TAMALIN: variants seen among roughly 807,000 people sequenced by gnomAD.
The protein encoded by TAMALIN is trafficking regulator and scaffold protein tamalin, also known as protein TAMALIN.
TAMALIN carries 9 observed loss-of-function variants against 38.5 expected under a neutral mutation model. The ratio of observed to expected loss-of-function variants is 0.23; its 90% CI spans 0.14 to 0.41. The LOEUF is 0.41. TAMALIN is among the 10% of genes least tolerant of loss of function. TAMALIN has a pLI of 1.00. For missense variants in TAMALIN, 548 were observed against 554.1 expected (o/e 0.99, Z 0.11); for synonymous variants, 306 against 256.5 (o/e 1.19, Z -1.85).
At chr12:52,008,856 G>A in intron 1 of TAMALIN, 1 of 650,538 alleles carries the variant, frequency 1.5e-6, no homozygotes, top group Non-Finnish European at 1.9e-6. Flanking sequence ...TACAGACATG[G>A]GCCCTAGGGG....
At chr12:52,013,386 T>C (rs1937705502) in intron 4 of TAMALIN, 1 of 342,840 alleles carries the variant, frequency 2.9e-6, no homozygotes, top group African/African-American at 2.0e-5. Flanking sequence ...CGGACAGAAC[T>C]TCTTGAGGGC....
rs1937632953 is a variant in TAMALIN at position 52,011,002 on chromosome 12, C to T, written c.352-37C>T. 6.2e-7 allele frequency: 1 copy of T among 1,613,752 alleles called. No individual in the cohort carries two copies. Among genetic ancestry groups the T allele is most frequent in the South Asian group, 1.1e-5 (1 of 91,070 alleles). ...CAGCCTGAGGGATGAACGGACTTGT[C>T]CCAACCCTGGGCTGAGGGTCCCCTT... On this transcript the variant is annotated intron_variant, in intron 3 of 7. Coordinates refer to ENST00000293662, the MANE Select transcript of TAMALIN (RefSeq NM_181711.4). The surrounding 1 kb of genome is among the most constrained non-coding windows in gnomAD (Gnocchi z 5.3).
chr12:52,008,365 G>A (rs1942448380), intron 1 of TAMALIN: 1 of 985,336 alleles, frequency 1.0e-6, no homozygotes, highest in Middle Eastern at 5.2e-4. Context: ...AGTTTATCAA[G>A]GACCCTGAAG....
rs1942442998 is a variant in TAMALIN, at chr12:52,007,978, A to G, written c.246+713A>G. On this transcript the variant is annotated intron_variant, in intron 1 of 7. Transcript: ENST00000293662. The surrounding 1 kb of genome is among the most constrained non-coding windows in gnomAD (Gnocchi z 6.7). ...CCAGGAGACCTGAGGCTCAGAACCT[A>G]CACAACACCAGGTTAAGAAGAGGGG... The G allele has an allele frequency of 2.0e-6, 2 of 985,284 alleles. No individual in the cohort carries two copies. Among genetic ancestry groups the G allele is most frequent in the Non-Finnish European group, 2.4e-6 (2 of 829,914 alleles). 61.0% of individuals were successfully genotyped at this position (985,284 alleles called of 1,614,324 possible).
At chr12:52,008,176 C>A (rs1031097993) in intron 1 of TAMALIN, 29 of 985,316 alleles carry the variant, frequency 2.9e-5, no homozygotes, top group Non-Finnish European at 3.3e-5. Context: ...ACTGTCCCCA[C>A]CCCTGAGGCC....
chr12:52,007,774 C>A lies in TAMALIN; in HGVS notation c.246+509C>A. On this transcript the variant is annotated intron_variant, in intron 1 of 7. Transcript: ENST00000293662. The surrounding 1 kb of genome is among the most constrained non-coding windows in gnomAD (Gnocchi z 6.7). The stretch of plus-strand genomic sequence containing the variant: ...ACCCTTCCGAGGGGACTCCCCGATT[C>A]CTGGGCTGGGGGCCTGCCGCCTGGC... 2 of 985,464 alleles carry A rather than the reference C, an allele frequency of 2.0e-6. No homozygotes were observed. The highest frequency in any genetic ancestry group is 1.2e-6 in the Non-Finnish European group (1 of 829,932). 61.0% of individuals were successfully genotyped at this position (985,464 alleles called of 1,614,324 possible).
In TAMALIN at chr12:52,007,802, C is replaced by G; in HGVS notation, c.246+537C>G. 1 of 985,448 alleles carries G rather than the reference C, an allele frequency of 1.0e-6. No homozygotes were observed. The highest frequency in any genetic ancestry group is 1.2e-6 in the Non-Finnish European group (1 of 829,924). 61.0% of individuals were successfully genotyped at this position (985,448 alleles called of 1,614,324 possible). ...GGGCTGGGGGCCTGCCGCCTGGCCC[C>G]ACGTCTGACGTACGGGGCGCGAGGG... On this transcript the variant is annotated intron_variant, in intron 1 of 7. Coordinates refer to ENST00000293662, the MANE Select transcript of TAMALIN (RefSeq NM_181711.4). The surrounding 1 kb of genome is among the most constrained non-coding windows in gnomAD (Gnocchi z 6.7).
At position 52,010,914 on chromosome 12, in the gene TAMALIN, G is replaced by A; in HGVS notation, c.330G>A (p.Gln110=). 1 of 1,614,134 alleles carries A rather than the reference G, an allele frequency of 6.2e-7. No individual in the cohort carries two copies. Among genetic ancestry groups the A allele is most frequent in the Non-Finnish European group, 8.5e-7 (1 of 1,180,030 alleles). ...KVLTLEKEDN[Q]TFGFEIQTYG... ...TGACGTTGGAGAAGGAGGATAACCA[G>A]ACCTTCGGCTTTGAGATCCAGGTGG... is the stretch of plus-strand genomic sequence containing the variant. The change falls in exon 3 of 8, where the codon CAG becomes CAA. Residue 110 remains glutamine (Q), a synonymous_variant. Transcript: ENST00000293662.
In TAMALIN at chr12:52,007,049, G is replaced by T; in HGVS notation, c.30G>T (p.Gln10His). The T allele has an allele frequency of 6.9e-7, 1 of 1,452,280 alleles. No homozygotes were observed. Among genetic ancestry groups the T allele is most frequent in the South Asian group, 1.4e-5 (1 of 73,594 alleles). 90.0% of individuals were successfully genotyped at this position (1,452,280 alleles called of 1,614,324 possible). A position where few individuals can be genotyped will look rare whatever the true frequency, so the allele number is the denominator to read the frequency against. Residue 10 changes from glutamine to histidine, a missense_variant, in exon 1 of 8, where the codon CAG (glutamine) becomes CAT (histidine). Coordinates refer to ENST00000293662, the MANE Select transcript of TAMALIN (RefSeq NM_181711.4). The surrounding 1 kb of genome is among the most constrained non-coding windows in gnomAD (Gnocchi z 6.7). MTLRRLRKL[Q>H]QKEEAAATPD... is the part of the protein sequence containing the mutation. ...CCCTCCGCCGACTCAGGAAGCTGCA[G>T]CAGAAGGAGGAGGCGGCGGCCACCC...
Position 52,014,885 on chromosome 12 carries a change from G to T in TAMALIN, c.874G>T (p.Asp292Tyr). Residue 292 changes from aspartate (D) to tyrosine (Y), a missense_variant, in exon 8 of 8, where the codon GAC (aspartate) becomes TAC (tyrosine). Physicochemically the swap from Asp to Tyr is radical, Grantham distance 160. Coordinates refer to ENST00000293662, the MANE Select transcript of TAMALIN (RefSeq NM_181711.4). ...DAVYHTCFFGDSEPPALPPPP... is the reference protein window; with the variant it reads ...DAVYHTCFFGYSEPPALPPPP... ...CGTCTACCACACGTGCTTCTTCGGG[G>T]ACTCCGAGCCGCCGGCGCTGCCGCC... The T allele has an allele frequency of 8.0e-7, 1 of 1,244,990 alleles. No individual in the cohort carries two copies. Among genetic ancestry groups the T allele is most frequent in the Non-Finnish European group, 1.0e-6 (1 of 986,058 alleles). 77.1% of individuals were successfully genotyped at this position (1,244,990 alleles called of 1,614,324 possible). A position where few individuals can be genotyped will look rare whatever the true frequency, so the allele number is the denominator to read the frequency against.
chr12:52,009,149 G>A, intron 1 of TAMALIN, 41 bp from the exon 2 acceptor site: 1 of 1,606,936 alleles, frequency 6.2e-7, no homozygotes, highest in African/African-American at 1.3e-5. Context: ...CTCAAGGACA[G>A]TCCCGCCTTA....
rs754729516 is a variant in TAMALIN at position 52,007,886 on chromosome 12, C to T, written c.246+621C>T. ...GCAGTGGGAGGGGTCGCAGGGCGCC[C>T]GCGGGGCAGGAAGGATGCGGGCCGC... On this transcript the variant is annotated intron_variant, in intron 1 of 7. Transcript: ENST00000293662. The surrounding 1 kb of genome is among the most constrained non-coding windows in gnomAD (Gnocchi z 6.7). The T allele has an allele frequency of 6.1e-6, 6 of 985,246 alleles. No homozygotes were observed. The highest frequency in any genetic ancestry group is 5.2e-4 in the Middle Eastern group (1 of 1,934). 61.0% of individuals were successfully genotyped at this position (985,246 alleles called of 1,614,324 possible). A position where few individuals can be genotyped will look rare whatever the true frequency, so the allele number is the denominator to read the frequency against.
Position 52,014,200 on chromosome 12 carries a change from T to C in TAMALIN, c.681T>C (p.His227=), listed in dbSNP as rs1937729828. 8.1e-6 allele frequency: 13 copies of C among 1,597,116 alleles called. No individual in the cohort carries two copies. Among genetic ancestry groups the C allele is most frequent in the South Asian group, 2.3e-5 (2 of 88,260 alleles). Residue 227 remains histidine (H), a splice_region_variant and synonymous_variant, in exon 7 of 8, where the codon CAT becomes CAC. Transcript: ENST00000293662. ...SLMVQEQRLV[H]GLVVKDPSIY... ...TGGTGCAGGAGCAGCGGCTGGTGCA[T>C]GGTGAGTAGATCCCGGGGTGTGAGG...
chr12:52,010,169 G>GAAGC (rs1188287210), intron 2 of TAMALIN, among the ~76,000 whole-genome samples: 1 of 152,226 alleles, frequency 6.6e-6, no homozygotes, highest in African/African-American at 2.4e-5. Flanking sequence ...GGTCAGGCTG[G>GAAGC]AAGCGGAGAA....
Position 52,007,775 on chromosome 12 carries a change from C to T in TAMALIN, c.246+510C>T. On this transcript the variant is annotated intron_variant, in intron 1 of 7. Transcript: ENST00000293662. The surrounding 1 kb of genome is among the most constrained non-coding windows in gnomAD (Gnocchi z 6.7). ...CCCTTCCGAGGGGACTCCCCGATTC[C>T]TGGGCTGGGGGCCTGCCGCCTGGCC... 1 of 985,460 alleles carries T rather than the reference C, an allele frequency of 1.0e-6. No individual in the cohort carries two copies. The highest frequency in any genetic ancestry group is 1.2e-6 in the Non-Finnish European group (1 of 829,926). The allele number at this position is 985,460 out of a possible 1,614,324, so 61.0% of individuals were successfully genotyped here.
rs891329452 is a variant in TAMALIN at position 52,007,528 on chromosome 12, C to G, written c.246+263C>G. ...CCCTCCTTGACTCCTCCCAGCACCC[C>G]CCTTCTCCTACCCGCTCCATCTGGC... On this transcript the variant is annotated intron_variant, in intron 1 of 7. Transcript: ENST00000293662. The surrounding 1 kb of genome is among the most constrained non-coding windows in gnomAD (Gnocchi z 6.7). 9 of 984,152 alleles carry G rather than the reference C, an allele frequency of 9.1e-6. No homozygotes were observed. In the African/African-American group the frequency reaches 1.2e-4, roughly 13 times the overall value. The allele number at this position is 984,152 out of a possible 1,614,324, so 61.0% of individuals were successfully genotyped here.
At chr12:52,014,437 G>A in intron 7 of TAMALIN, 1 of 605,248 alleles carries the variant, frequency 1.7e-6, no homozygotes, top group Non-Finnish European at 2.9e-6. Context: ...ACTTTACAGA[G>A]GGGAACACCA....
In TAMALIN at chr12:52,015,210, G is replaced by T; in HGVS notation, c.*11G>T. On this transcript the variant is annotated 3_prime_UTR_variant, in exon 8 of 8. Transcript: ENST00000293662. ...GAGAGCCAGCTGTAGGGGCGGGGGC[G>T]GGCAGGGAGGTATTTATTTATTTAT... 1 of 1,577,204 alleles carries T rather than the reference G, an allele frequency of 6.3e-7. No homozygotes were observed. Among genetic ancestry groups the T allele is most frequent in the Admixed American group, 1.8e-5 (1 of 55,162 alleles).
rs1592271369 is a variant in TAMALIN, at chr12:52,009,239, G to A, written c.296G>A (p.Arg99Gln). The change falls in exon 2 of 8, where the codon CGG becomes CAG. Residue 99 changes from arginine to glutamine, a missense_variant and splice_region_variant. By Grantham distance (43) the Arg-to-Gln change is conservative (BLOSUM62 1). Around this residue, in one of 3 missense-constraint regions of TAMALIN, gnomAD observed 415 missense variants for 417.0 expected, o/e 1.00. Transcript: ENST00000293662. ...CTCAGCCAGAGTCCTGAACAGCAGC[G>A]GTGAGTCACCAACACCCAGCCCCTG... ...KNLSQSPEQQ[R>Q]KVLTLEKEDN... 3 of 1,613,858 alleles carry A rather than the reference G, an allele frequency of 1.9e-6. No homozygotes were observed. The highest frequency in any genetic ancestry group is 2.5e-6 in the Non-Finnish European group (3 of 1,179,918).
Sources: gnomAD v4.1 joint callset for allele counts (sites outside exome capture counted in the v4.1 genomes callset) on GRCh38, gnomAD v4.1.1 for gene constraint, gnomAD v4.1.1 regional missense constraint, Gnocchi (gnomAD v3.1) non-coding constraint, MANE v1.5 for transcripts, NCBI Gene and HGNC (gene_info 2026-07-23, HGNC 2026-07-21) for gene names.